Variants in TMOD1 observed in about 807,000 individuals in gnomAD.
TMOD1 encodes the protein tropomodulin-1.
In TMOD1, 17 loss-of-function variants were observed where a neutral mutation model predicts 40.6. The ratio of observed to expected loss-of-function variants is 0.42; its 90% CI spans 0.29 to 0.63. The LOEUF (loss-of-function observed/expected upper bound fraction) is 0.63. TMOD1 is among the 20% of genes least tolerant of loss of function. The pLI is 0.22. For synonymous variants in TMOD1, 181 were observed against 175.0 expected, an observed-to-expected ratio of 1.03 and a Z score of -0.27; for missense variants, 391 against 447.6, an observed-to-expected ratio of 0.87 and a Z score of 1.14.
chr9:97,509,640 G>A lies in TMOD1; in HGVS notation c.-49+7837G>A, dbSNP rs1054729492. On this transcript the variant is annotated intron_variant, in intron 1 of 9. Coordinates refer to ENST00000259365, the MANE Select transcript of TMOD1 (RefSeq NM_003275.4). The stretch of plus-strand genomic sequence containing the variant: ...AACCCCAGAAGCTGGGACCACAGGT[G>A]CATGCCACCATGCCCAGCTAATTTT... Among the ~76,000 whole-genome samples the A allele has an allele frequency of 4.6e-5, 7 of 151,806 alleles. No homozygotes were observed. The East Asian group carries it at 7.8e-4, about 17-fold the overall frequency.
In TMOD1 at chr9:97,601,501, T is replaced by C. The variant is rs41306698; in HGVS notation, c.*1803T>C. 2.4e-3 allele frequency: 2,335 copies of C among 989,504 alleles called. 9 individuals carry two copies. Among genetic ancestry groups the C allele is most frequent in the Non-Finnish European group, 2.6e-3 (2,189 of 832,390 alleles). The allele number at this position is 989,504 out of a possible 1,614,324, so 61.3% of individuals were successfully genotyped here. On this transcript the variant is annotated 3_prime_UTR_variant, in exon 10 of 10. Coordinates refer to ENST00000259365, the MANE Select transcript of TMOD1 (RefSeq NM_003275.4). ...CAGAGCTATCAGAGGAAATCTCTCA[T>C]AGAAACGAAACCAAACCAACAGAAA...
intron 8 of TMOD1, among the ~76,000 whole-genome samples, chr9:97,582,120 T>G (rs1227255161): frequency 6.6e-6 from 1 of 152,198 alleles, no homozygotes; most frequent in African/African-American, 2.4e-5. Flanking sequence ...TTCTAGGGTT[T>G]TTATGGTTTT....
intron 8 of TMOD1, among the ~76,000 whole-genome samples, chr9:97,575,160 G>A (rs921280216): frequency 6.6e-6 from 1 of 152,104 alleles, no homozygotes; most frequent in Admixed American, 6.5e-5. Flanking sequence ...AACACTCACC[G>A]CGAAGGTCTG....
intron 1 of TMOD1, among the ~76,000 whole-genome samples, chr9:97,518,052 GC>G (rs1054237541): frequency 2.0e-5 from 3 of 152,052 alleles, no homozygotes; most frequent in Non-Finnish European, 4.4e-5. Flanking sequence ...TCCGCGATGG[GC>G]CCCCCAGCTT....
Position 97,524,202 on chromosome 9 carries a change from G to C in TMOD1, c.14G>C (p.Arg5Pro). Residue 5 changes from arginine (R) to proline (P), a missense_variant, in exon 2 of 10, where the codon CGA (arginine) becomes CCA (proline). Coordinates refer to ENST00000259365, the MANE Select transcript of TMOD1 (RefSeq NM_003275.4). MSYR[R>P]ELEKYRDLDE... Reference sequence around the variant, plus strand: ...AGTTCTTCCACGATGTCGTACAGACGAGAACTAGAGAAATACCGTGACCTG... The same window carrying C: ...AGTTCTTCCACGATGTCGTACAGACCAGAACTAGAGAAATACCGTGACCTG... The C allele has an allele frequency of 6.2e-7, 1 of 1,614,034 alleles. No homozygotes were observed. The highest frequency in any genetic ancestry group is 8.5e-7 in the Non-Finnish European group (1 of 1,179,950).
intron 1 of TMOD1, among the ~76,000 whole-genome samples, chr9:97,514,527 C>T (rs1207304676): frequency 6.6e-6 from 1 of 152,182 alleles, no homozygotes; most frequent in Non-Finnish European, 1.5e-5. Context: ...CTCTTGTTGC[C>T]TCACTGCTTC....
intron 4 of TMOD1, among the ~76,000 whole-genome samples, chr9:97,559,329 CA>C (rs1830581884): frequency 6.6e-6 from 1 of 152,130 alleles, no homozygotes; most frequent in African/African-American, 2.4e-5. Flanking sequence ...CTCTCCCCAC[CA>C]GTTCTCTTAG....
At chr9:97,578,598 C>G (rs540286215) in intron 8 of TMOD1, among the ~76,000 whole-genome samples, 32 of 152,274 alleles carry the variant, frequency 2.1e-4, no homozygotes, top group African/African-American at 7.5e-4. Context: ...AGGTCAAGGT[C>G]AAGCCTTGGC....
intron 4 of TMOD1, among the ~76,000 whole-genome samples, chr9:97,559,819 A>ATC (rs1420899902): frequency 1.2e-4 from 5 of 41,334 alleles, no homozygotes; most frequent in East Asian, 1.4e-3. Flanking sequence ...ATATATATAT[A>ATC]TATATGTCTA....
At chr9:97,527,898 T>C (rs1379450646) in intron 2 of TMOD1, among the ~76,000 whole-genome samples, 1 of 152,008 alleles carries the variant, frequency 6.6e-6, no homozygotes, top group Non-Finnish European at 1.5e-5. Flanking sequence ...AGATGCTGCA[T>C]GGGGATGAGG....
chr9:97,567,464 C>T (rs4743117), intron 7 of TMOD1, among the ~76,000 whole-genome samples: 32,454 of 152,200 alleles, frequency 0.21, 3,812 homozygotes, highest in South Asian at 0.42. Context: ...CTCCTGGCCC[C>T]GGTTCCTCCA....
intron 1 of TMOD1, among the ~76,000 whole-genome samples, chr9:97,519,931 A>G (rs1466130427): frequency 1.3e-5 from 2 of 151,894 alleles, no homozygotes; most frequent in East Asian, 1.9e-4. Flanking sequence ...TTGCTACCCC[A>G]TGATCCTCAC....
intron 3 of TMOD1, among the ~76,000 whole-genome samples, chr9:97,546,757 T>C (rs1252724264): frequency 2.0e-5 from 3 of 151,594 alleles, no homozygotes; most frequent in East Asian, 1.9e-4. Flanking sequence ...GGCAAAACCT[T>C]GTTTCTACTA....
chr9:97,536,475 C>T (rs1423365801), intron 2 of TMOD1, among the ~76,000 whole-genome samples: 1 of 152,120 alleles, frequency 6.6e-6, no homozygotes, highest in Non-Finnish European at 1.5e-5. Flanking sequence ...GACAATTACT[C>T]AATGCCCCTG....
rs547973558 is a variant in TMOD1, at chr9:97,555,613, G to C, written c.397+2213G>C. On this transcript the variant is annotated intron_variant, in intron 4 of 9. Coordinates refer to ENST00000259365, the MANE Select transcript of TMOD1 (RefSeq NM_003275.4). ...CACCAGTGTTAACTGGCTAACCTTG[G>C]ATGCCTGTCATTTGATGTTGGACAT... is the stretch of plus-strand genomic sequence containing the variant. 224 of 1,550,668 alleles carry C rather than the reference G, an allele frequency of 1.4e-4. 4 individuals are homozygous for C. In the South Asian group the frequency reaches 2.5e-3, roughly 17 times the overall value.
intron 4 of TMOD1, among the ~76,000 whole-genome samples, chr9:97,559,650 A>T (rs1400862164): frequency 6.6e-6 from 1 of 150,778 alleles, no homozygotes; most frequent in Non-Finnish European, 1.5e-5. Context: ...CTGTAATCCC[A>T]GCTACTTGGG....
At chr9:97,528,758 A>G (rs1176347710) in intron 2 of TMOD1, among the ~76,000 whole-genome samples, 1 of 152,170 alleles carries the variant, frequency 6.6e-6, no homozygotes, top group Non-Finnish European at 1.5e-5. Context: ...GAGCCCAGAG[A>G]GGGGAAAGAA....
intron 2 of TMOD1, among the ~76,000 whole-genome samples, chr9:97,544,187 A>G (rs1169956890): frequency 6.6e-6 from 1 of 152,130 alleles, no homozygotes; most frequent in African/African-American, 2.4e-5. Context: ...TCTTACAGCC[A>G]CTACTCTTAC....
Position 97,553,456 on chromosome 9 carries a change from G to T in TMOD1, c.397+56G>T, listed in dbSNP as rs780046066. On this transcript the variant is annotated intron_variant, in intron 4 of 9. Transcript: ENST00000259365. ...CTCCAGAAGGATTTGACCCACATCTGCAGGGAGCCTTGTAGGGCTCATTTC... is the reference window on the plus strand; with the variant it reads ...CTCCAGAAGGATTTGACCCACATCTTCAGGGAGCCTTGTAGGGCTCATTTC... 20 of 1,610,268 alleles carry T rather than the reference G, an allele frequency of 1.2e-5. 1 individual carries two copies. The South Asian group carries it at 1.5e-4, about 12-fold the overall frequency.
Sources: allele counts gnomAD v4.1 joint callset (sites outside exome capture counted in the v4.1 genomes callset), GRCh38; gene constraint gnomAD v4.1.1; transcripts MANE v1.5; gene names NCBI Gene and HGNC (gene_info 2026-07-23, HGNC 2026-07-21).